SLC8A1: variants seen among roughly 807,000 people sequenced by gnomAD.
The protein encoded by SLC8A1 is solute carrier family 8 member A1, also known as sodium/calcium exchanger 1.
SLC8A1 carries 18 observed loss-of-function variants against 68.3 expected under a neutral mutation model. The ratio of observed to expected loss-of-function variants is 0.26; its 90% CI spans 0.18 to 0.39. SLC8A1 has a LOEUF of 0.39. SLC8A1 is among the 10% of genes least tolerant of loss of function. SLC8A1 has a pLI of 1.00. For synonymous variants in SLC8A1, 475 were observed against 415.5 expected, an observed-to-expected ratio of 1.14 and a Z score of -1.74; for missense variants, 985 against 1,156.7, an observed-to-expected ratio of 0.85 and a Z score of 2.15.
intron 6 of SLC8A1, among the ~76,000 whole-genome samples, chr2:40,148,790 A>G (rs1183436669): frequency 6.6e-6 from 1 of 152,210 alleles, no homozygotes; most frequent in African/African-American, 2.4e-5. Context: ...ATGCTTACAT[A>G]TAGTAAACTT....
chr2:40,451,714 T>C (rs2149879179), intron 1 of SLC8A1, among the ~76,000 whole-genome samples, 190 bp downstream of exon 1: 1 of 140,950 alleles, frequency 7.1e-6, no homozygotes. Context: ...CCCAGAAAAA[T>C]GTGCAGGCGC....
At chr2:40,254,695 A>ATAAC (rs2063597951) in intron 2 of SLC8A1, 2 of 152,234 alleles carry the variant, frequency 1.3e-5, no homozygotes, top group African/African-American at 4.8e-5. Context: ...GTTGATCTGA[A>ATAAC]TAACTAACTG....
intron 2 of SLC8A1, among the ~76,000 whole-genome samples, chr2:40,214,725 A>C (rs923319957): frequency 1.3e-5 from 2 of 152,120 alleles, no homozygotes; most frequent in Non-Finnish European, 2.9e-5. Flanking sequence ...GGCGTGAGCC[A>C]CTGCATCCGG....
At chr2:40,497,626 T>C (rs1319880203) in intron 1 of SLC8A1, among the ~76,000 whole-genome samples, 3 of 151,664 alleles carry the variant, frequency 2.0e-5, no homozygotes, top group Non-Finnish European at 4.4e-5. Context: ...TGTTAGGAAA[T>C]GGAGATCTGA....
At chr2:40,417,598 T>C (rs1694259772) in intron 2 of SLC8A1, among the ~76,000 whole-genome samples, 1 of 152,096 alleles carries the variant, frequency 6.6e-6, no homozygotes, top group South Asian at 2.1e-4. Flanking sequence ...AACCTAGACC[T>C]CTCCGGCTCA....
At chr2:40,478,383 A>T (rs556583609) in intron 1 of SLC8A1, among the ~76,000 whole-genome samples, 2 of 152,352 alleles carry the variant, frequency 1.3e-5, no homozygotes, top group South Asian at 4.1e-4. Context: ...TCCTGTTTGC[A>T]GGTTAAACTC....
chr2:40,468,551 C>A (rs1703825218), intron 1 of SLC8A1, among the ~76,000 whole-genome samples: 1 of 152,018 alleles, frequency 6.6e-6, no homozygotes, highest in Admixed American at 6.6e-5. Flanking sequence ...AGTTACTTTT[C>A]TTTTCTGTAT....
At chr2:40,301,881 G>C in intron 2 of SLC8A1, among the ~76,000 whole-genome samples, 1 of 151,398 alleles carries the variant, frequency 6.6e-6, no homozygotes, top group African/African-American at 2.4e-5. Flanking sequence ...ATTTTTTTTT[G>C]AGATGGAGTC....
chr2:40,261,808 G>T (rs138826363), intron 2 of SLC8A1, among the ~76,000 whole-genome samples: 147 of 152,298 alleles, frequency 9.7e-4, no homozygotes, highest in African/African-American at 3.4e-3. Context: ...CTTTTTAAGA[G>T]AAAGAGAAAA....
intron 2 of SLC8A1, among the ~76,000 whole-genome samples, chr2:40,232,535 C>T (rs544583394): frequency 6.7e-6 from 1 of 149,114 alleles, no homozygotes; most frequent in South Asian, 2.2e-4. Context: ...TACATCCTCA[C>T]ATTGAATGGC....
At chr2:40,349,997 G>C (rs184246778) in intron 2 of SLC8A1, among the ~76,000 whole-genome samples, 19 of 152,212 alleles carry the variant, frequency 1.2e-4, no homozygotes, top group Admixed American at 7.9e-4. Flanking sequence ...CTAAAAATCA[G>C]AGATTAGAAT....
At chr2:40,264,799 T>C (rs1026335372) in intron 2 of SLC8A1, among the ~76,000 whole-genome samples, 2 of 151,954 alleles carry the variant, frequency 1.3e-5, no homozygotes, top group African/African-American at 4.8e-5. Context: ...TGTATACATA[T>C]GTAACAAACC....
chr2:40,240,656 C>T (rs1264441976), intron 2 of SLC8A1, among the ~76,000 whole-genome samples: 1 of 152,222 alleles, frequency 6.6e-6, no homozygotes, highest in Non-Finnish European at 1.5e-5. Flanking sequence ...ATCTGTACTA[C>T]TAGAATAATT....
chr2:40,097,438 A>G (rs562430144), exon 8 of SLC8A1: 1 of 152,130 alleles, frequency 6.6e-6, no homozygotes, highest in East Asian at 1.9e-4. Flanking sequence ...ATGACAAACA[A>G]TGCTTCTGCT....
intron 2 of SLC8A1, among the ~76,000 whole-genome samples, chr2:40,259,401 T>C (rs950172975): frequency 3.9e-5 from 6 of 152,204 alleles, no homozygotes; most frequent in Non-Finnish European, 7.3e-5. Flanking sequence ...TTTGAAAAGG[T>C]AATATCTTTT....
At chr2:40,408,438 T>A (rs1434957184) in intron 2 of SLC8A1, among the ~76,000 whole-genome samples, 1 of 152,226 alleles carries the variant, frequency 6.6e-6, no homozygotes, top group Non-Finnish European at 1.5e-5. Context: ...GAAGAGATTC[T>A]CTCCTGTTTC....
chr2:40,434,743 C>G (rs530441980), intron 1 of SLC8A1, among the ~76,000 whole-genome samples: 2 of 152,288 alleles, frequency 1.3e-5, no homozygotes, highest in African/African-American at 4.8e-5. Flanking sequence ...AAATTATCTT[C>G]TGATCACTAT....
chr2:40,237,560 G>C (rs528615500), intron 2 of SLC8A1, among the ~76,000 whole-genome samples: 1 of 151,414 alleles, frequency 6.6e-6, no homozygotes, highest in Non-Finnish European at 1.5e-5. Flanking sequence ...ATGTCCTCCC[G>C]TAGCTCAGAG....
chr2:40,302,434 C>T (rs2071671828), intron 2 of SLC8A1, among the ~76,000 whole-genome samples: 1 of 129,498 alleles, frequency 7.7e-6, no homozygotes, highest in Admixed American at 7.6e-5. Context: ...GGGTAGTATT[C>T]CATTGTGTGT....
Sources: gnomAD v4.1 joint callset for allele counts (sites outside exome capture counted in the v4.1 genomes callset) on GRCh38, gnomAD v4.1.1 for gene constraint, MANE v1.5 for transcripts, NCBI Gene and HGNC (gene_info 2026-07-23, HGNC 2026-07-21) for gene names.